The following DNM3 variants were observed in gnomAD, a reference collection of about 807,000 sequenced individuals.
DNM3 encodes dynamin-3.
In DNM3, 47 loss-of-function variants were observed where a neutral mutation model predicts 101.6. The observed-to-expected ratio is 0.46, with a 90% CI of 0.37 to 0.59. The LOEUF (loss-of-function observed/expected upper bound fraction) is 0.59. DNM3 is among the 20% of genes least tolerant of loss of function. The probability of loss-of-function intolerance (pLI) is 0.00; values close to 1 mark genes in which losing one functional copy is unlikely to be tolerated. For synonymous variants in DNM3, 385 were observed against 387.9 expected (o/e 0.99, Z 0.09); for missense variants, 849 against 1,085.7 (o/e 0.78, Z 3.06).
chr1:172,276,290 AAG>A (rs1443396596), intron 15 of DNM3, among the ~76,000 whole-genome samples: 3 of 151,982 alleles, frequency 2.0e-5, no homozygotes, highest in African/African-American at 7.2e-5. Context: ...GATGTCATAG[AAG>A]AGAGTCCTGC....
chr1:172,211,346 A>G (rs1471156449), intron 14 of DNM3, among the ~76,000 whole-genome samples: 3 of 152,112 alleles, frequency 2.0e-5, no homozygotes, highest in Non-Finnish European at 4.4e-5. Flanking sequence ...TTTTCCTTCT[A>G]CAATTTTTTA....
At chr1:172,156,404 G>A (rs1484438398) in intron 14 of DNM3, among the ~76,000 whole-genome samples, 1 of 152,042 alleles carries the variant, frequency 6.6e-6, no homozygotes, top group African/African-American at 2.4e-5. Context: ...CTTACTAGGT[G>A]CCTGCAATTT....
chr1:172,013,808 G>A (rs1157064511), intron 4 of DNM3, among the ~76,000 whole-genome samples: 2 of 152,112 alleles, frequency 1.3e-5, no homozygotes, highest in African/African-American at 2.4e-5. Flanking sequence ...TAGTATTGGA[G>A]TAGGTTGAAG....
chr1:172,385,451 A>G (rs1315428519), intron 18 of DNM3, among the ~76,000 whole-genome samples: 1 of 152,186 alleles, frequency 6.6e-6, no homozygotes, highest in African/African-American at 2.4e-5. Flanking sequence ...TTCCACAACT[A>G]TCGTGCATAA....
chr1:171,880,170 G>C (rs959461474), intron 1 of DNM3, among the ~76,000 whole-genome samples: 1 of 152,186 alleles, frequency 6.6e-6, no homozygotes, highest in African/African-American at 2.4e-5. Flanking sequence ...TCCTGTGATG[G>C]CTAGAAAACA....
intron 11 of DNM3, among the ~76,000 whole-genome samples, chr1:172,070,762 CACAG>C (rs1386579303): frequency 6.6e-6 from 1 of 151,876 alleles, no homozygotes; most frequent in Admixed American, 6.6e-5. Flanking sequence ...GTAGTTAACT[CACAG>C]ACATTTTGTG....
intron 17 of DNM3, among the ~76,000 whole-genome samples, chr1:172,354,326 G>C (rs1012395028): frequency 6.6e-6 from 1 of 152,076 alleles, no homozygotes; most frequent in Non-Finnish European, 1.5e-5. Flanking sequence ...AGCAAAGTGA[G>C]AGGGGTTCCT....
At chr1:171,871,030 A>C (rs2035229688) in intron 1 of DNM3, among the ~76,000 whole-genome samples, 1 of 152,230 alleles carries the variant, frequency 6.6e-6, no homozygotes, top group South Asian at 2.1e-4. Context: ...AAAGAGGCTA[A>C]AGAGGCAAGA....
intron 15 of DNM3, among the ~76,000 whole-genome samples, chr1:172,261,067 C>A (rs1409529685): frequency 6.6e-6 from 1 of 152,092 alleles, no homozygotes; most frequent in Non-Finnish European, 1.5e-5. Context: ...CCAACTCAGC[C>A]TCCTGTGTAG....
In DNM3 at chr1:172,337,251, T is replaced by C. The variant is rs17368935; in HGVS notation, c.1893+13911T>C. Among the ~76,000 whole-genome samples, 1,417 of 152,326 alleles carry C rather than the reference T, an allele frequency of 9.3e-3. 31 individuals are homozygous for C. The highest frequency in any genetic ancestry group is 0.032 in the African/African-American group (1,338 of 41,558). On this transcript the variant is annotated intron_variant, in intron 17 of 20. Coordinates refer to ENST00000627582, the MANE Select transcript of DNM3 (RefSeq NM_015569.5). ...CTGGCTTTTACATTCAGAATTTGTT[T>C]GTGGCCTGGCATCTTATTCCAGTCT... is the stretch of plus-strand genomic sequence containing the variant.
intron 13 of DNM3, among the ~76,000 whole-genome samples, chr1:172,122,180 G>A (rs866678630): frequency 6.6e-6 from 1 of 152,086 alleles, no homozygotes; most frequent in Non-Finnish European, 1.5e-5. Flanking sequence ...ATGGAAGGAG[G>A]AAATAAATAG....
intron 15 of DNM3, among the ~76,000 whole-genome samples, chr1:172,255,142 C>T (rs1219424393): frequency 2.0e-5 from 3 of 151,960 alleles, no homozygotes; most frequent in Admixed American, 1.3e-4. Flanking sequence ...TTTAAAGAAT[C>T]GACAGGAAAG....
chr1:172,046,797 G>A (rs190383243), intron 9 of DNM3, among the ~76,000 whole-genome samples: 2 of 152,126 alleles, frequency 1.3e-5, no homozygotes, highest in African/African-American at 2.4e-5. Flanking sequence ...GGGCAGATTT[G>A]GTATTTGGAC....
rs1442770041 is a variant in DNM3 at position 172,408,971 on chromosome 1, A to C, written c.*1130A>C. ...CACACTTTTACAGTTGCAGTATTTC[A>C]AAGTCCCTATCCAGGTCACTCCAGA... is the stretch of plus-strand genomic sequence containing the variant. On this transcript the variant is annotated 3_prime_UTR_variant, in exon 21 of 21. Transcript: ENST00000627582. 1.0e-6 allele frequency: 1 copy of C among 985,396 alleles called. No homozygotes were observed. The highest frequency in any genetic ancestry group is 6.1e-5 in the Admixed American group (1 of 16,268). The allele number at this position is 985,396 out of a possible 1,614,324, so 61.0% of individuals were successfully genotyped here.
At chr1:172,116,499 C>T (rs2055902944) in intron 13 of DNM3, among the ~76,000 whole-genome samples, 1 of 152,174 alleles carries the variant, frequency 6.6e-6, no homozygotes, top group African/African-American at 2.4e-5. Context: ...ATGGAGTGGA[C>T]AGGTGGTGTT....
rs536589096 is a variant in DNM3 at position 172,057,719 on chromosome 1, G to A, written c.1335+8969G>A. ...GCACTAAACATGGAAAGGAACAACC[G>A]GTACCAGCCGCTGCAAAATCATGCC... On this transcript the variant is annotated intron_variant, in intron 10 of 20. Coordinates refer to ENST00000627582, the MANE Select transcript of DNM3 (RefSeq NM_015569.5). Among the ~76,000 whole-genome samples the A allele has an allele frequency of 1.7e-3, 264 of 151,650 alleles. 2 individuals are homozygous for A. The highest frequency in any genetic ancestry group is 3.3e-3 in the East Asian group (17 of 5,142).
intron 14 of DNM3, among the ~76,000 whole-genome samples, chr1:172,155,550 TA>T (rs2058304971): frequency 6.6e-6 from 1 of 152,100 alleles, no homozygotes; most frequent in Non-Finnish European, 1.5e-5. Context: ...AATTAATACA[TA>T]ATTTGTCTAA....
At chr1:172,162,078 C>A (rs1316532163) in intron 14 of DNM3, among the ~76,000 whole-genome samples, 1 of 151,968 alleles carries the variant, frequency 6.6e-6, no homozygotes, top group Non-Finnish European at 1.5e-5. Context: ...TACTTTAAAG[C>A]ATTCATTCAA....
At chr1:172,101,885 G>C (rs951131447) in intron 13 of DNM3, among the ~76,000 whole-genome samples, 7 of 151,452 alleles carry the variant, frequency 4.6e-5, no homozygotes, top group Non-Finnish European at 1.0e-4. Context: ...TTTTGAGACA[G>C]TTTTTCTCTG....
Sources: allele counts gnomAD v4.1 joint callset (sites outside exome capture counted in the v4.1 genomes callset), GRCh38; gene constraint gnomAD v4.1.1; transcripts MANE v1.5; gene names NCBI Gene and HGNC (gene_info 2026-07-23, HGNC 2026-07-21).